Variants in ZNF385D observed in about 807,000 individuals in gnomAD.
The protein encoded by ZNF385D is zinc finger protein 659.
Under a neutral mutation model 35.8 loss-of-function variants are expected in ZNF385D, and 15 were observed. The observed-to-expected ratio is 0.42, with a 90% CI of 0.28 to 0.64. The LOEUF (loss-of-function observed/expected upper bound fraction) is 0.64, where lower values mean the gene tolerates loss of function less well. ZNF385D is among the 30% of genes least tolerant of loss of function. ZNF385D has a pLI of 0.23. For missense variants in ZNF385D, 474 were observed against 494.6 expected (o/e 0.96, Z 0.39); for synonymous variants, 212 against 186.8 (o/e 1.13, Z -1.10).
chr3:21,798,207 C>G (rs1039437244), intron 3 of ZNF385D, among the ~76,000 whole-genome samples: 5 of 152,126 alleles, frequency 3.3e-5, no homozygotes, highest in Admixed American at 2.6e-4. Flanking sequence ...AATCATCACA[C>G]AAAAAATAAA....
intron 1 of ZNF385D, among the ~76,000 whole-genome samples, chr3:21,732,053 T>G (rs867390923): frequency 0.21 from 20,467 of 95,900 alleles, 5,130 homozygotes; most frequent in Non-Finnish European, 0.28. Flanking sequence ...TTTTTTTTTT[T>G]TTTTTTTTTT....
intron 2 of ZNF385D, among the ~76,000 whole-genome samples, chr3:21,634,334 G>A (rs2065365166): frequency 6.8e-6 from 1 of 147,792 alleles, no homozygotes. Context: ...GAGGAAGGAA[G>A]GGAGAGAGGA....
intron 2 of ZNF385D, among the ~76,000 whole-genome samples, chr3:22,335,803 T>A (rs1365272434): frequency 6.6e-6 from 1 of 152,152 alleles, no homozygotes; most frequent in Admixed American, 6.5e-5. Context: ...ACCAAAAAAA[T>A]TAATTTTAAA....
At chr3:21,912,393 TCTCTTACAATATTTAG>T (rs1700004423) in intron 3 of ZNF385D, among the ~76,000 whole-genome samples, 1 of 152,022 alleles carries the variant, frequency 6.6e-6, no homozygotes, top group Non-Finnish European at 1.5e-5. Flanking sequence ...AAGAGGGTAA[TCTCTTACAATATTTAG>T]AGAGACAAAA....
In ZNF385D at chr3:22,321,697, T is replaced by G. The variant is rs190347554; in HGVS notation, c.106+50753A>C. On this transcript the variant is annotated intron_variant, in intron 2 of 5. Transcript: ENST00000494108. ...TATGTATTTAATGTAATGACTGATA[T>G]ATTTTATTCCTTTCAACTTGCTTTA... 1.4e-3 allele frequency among the ~76,000 whole-genome samples: 214 copies of G among 152,270 alleles called. 2 individuals carry two copies. The highest frequency in any genetic ancestry group is 4.9e-3 in the African/African-American group (203 of 41,560).
chr3:21,457,557 T>C (rs1702901361), intron 4 of ZNF385D, among the ~76,000 whole-genome samples: 1 of 152,092 alleles, frequency 6.6e-6, no homozygotes, highest in African/African-American at 2.4e-5. Flanking sequence ...GGTTTCACCA[T>C]ATTGGCCAGG....
chr3:22,114,377 C>A (rs1314718356), intron 3 of ZNF385D, among the ~76,000 whole-genome samples: 7 of 152,078 alleles, frequency 4.6e-5, no homozygotes, highest in Non-Finnish European at 1.0e-4. Context: ...GATTTACTCC[C>A]ATCTACCTAT....
At chr3:21,536,253 T>C (rs899586822) in intron 3 of ZNF385D, among the ~76,000 whole-genome samples, 1 of 152,076 alleles carries the variant, frequency 6.6e-6, no homozygotes, top group East Asian at 1.9e-4. Context: ...AGTGCTAAGA[T>C]AGTAAGAAAA....
chr3:21,813,153 T>C (rs928663900), intron 3 of ZNF385D, among the ~76,000 whole-genome samples: 2 of 152,094 alleles, frequency 1.3e-5, no homozygotes, highest in African/African-American at 4.8e-5. Context: ...GAAGGAAAAC[T>C]AACAAACAGA....
chr3:22,254,320 T>C (rs1312019554), intron 2 of ZNF385D, among the ~76,000 whole-genome samples: 3 of 151,888 alleles, frequency 2.0e-5, no homozygotes, highest in African/African-American at 4.8e-5. Context: ...CAAATATGTA[T>C]GTATATATTT....
intron 4 of ZNF385D, among the ~76,000 whole-genome samples, chr3:21,449,536 T>C (rs888994968): frequency 6.6e-6 from 1 of 152,244 alleles, no homozygotes; most frequent in Non-Finnish European, 1.5e-5. Context: ...ATAGCTGTTT[T>C]TTATTATCAA....
intron 3 of ZNF385D, chr3:21,849,605 C>CTTTTTTTTTTTTTTTTTT (rs3073866): frequency 2.8e-5 from 3 of 108,202 alleles, no homozygotes; most frequent in Non-Finnish European, 5.3e-5. Flanking sequence ...AAACCCATTT[C>CTTTTTTTTTTTTTTTTTT]TTTTTTTTTT....
At chr3:22,026,859 A>G (rs1409496520) in intron 3 of ZNF385D, among the ~76,000 whole-genome samples, 1 of 152,114 alleles carries the variant, frequency 6.6e-6, no homozygotes, top group East Asian at 1.9e-4. Context: ...CCATTCAACT[A>G]TTTCATTTGG....
At chr3:22,294,360 T>C (rs2125402497) in intron 2 of ZNF385D, among the ~76,000 whole-genome samples, 1 of 152,178 alleles carries the variant, frequency 6.6e-6, no homozygotes, top group African/African-American at 2.4e-5. Context: ...TTTTTCCTCA[T>C]ATTTTTCAAT....
At chr3:22,047,491 A>T (rs930849113) in intron 3 of ZNF385D, among the ~76,000 whole-genome samples, 1 of 152,142 alleles carries the variant, frequency 6.6e-6, no homozygotes, top group Non-Finnish European at 1.5e-5. Flanking sequence ...ACGTAAGATC[A>T]TGTGGTATTT....
intron 3 of ZNF385D, among the ~76,000 whole-genome samples, chr3:22,093,749 A>G (rs1701452358): frequency 6.6e-6 from 1 of 152,244 alleles, no homozygotes; most frequent in South Asian, 2.1e-4. Flanking sequence ...ATTTACAATC[A>G]TATAATTATT....
In ZNF385D at chr3:21,764,876, T is replaced by C. The variant is rs186744886; in HGVS notation, c.326-99848A>G. On this transcript the variant is annotated intron_variant, in intron 3 of 5. Transcript: ENST00000494108. ...AAGTTTACATTTCTGGCTCCCAAGC[T>C]TATTTTTTTTCCAATTGTCCACTTC... is the stretch of plus-strand genomic sequence containing the variant. Among the ~76,000 whole-genome samples the C allele has an allele frequency of 1.5e-3, 234 of 152,246 alleles. 1 individual carries two copies. The highest frequency in any genetic ancestry group is 2.9e-3 in the Non-Finnish European group (195 of 67,996).
intron 2 of ZNF385D, among the ~76,000 whole-genome samples, chr3:22,307,488 T>C (rs993833456): frequency 3.3e-5 from 5 of 152,106 alleles, no homozygotes; most frequent in South Asian, 4.1e-4. Context: ...AGAAAAAACA[T>C]GGTTATTTGG....
chr3:22,012,714 G>A (rs968527787), intron 3 of ZNF385D, among the ~76,000 whole-genome samples: 4 of 152,092 alleles, frequency 2.6e-5, no homozygotes, highest in African/African-American at 9.7e-5. Context: ...AACTTCATGA[G>A]TTCCCAATGG....
Sources: allele counts gnomAD v4.1 joint callset (sites outside exome capture counted in the v4.1 genomes callset), GRCh38; gene constraint gnomAD v4.1.1; transcripts MANE v1.5; gene names NCBI Gene and HGNC (gene_info 2026-07-23, HGNC 2026-07-21).